Variants in PDE1A observed in about 807,000 individuals in gnomAD.
The protein encoded by PDE1A is phosphodiesterase 1A, also known as dual specificity calcium/calmodulin-dependent 3',5'-cyclic nucleotide phosphodiesterase 1A.
Under a neutral mutation model 61.7 loss-of-function variants are expected in PDE1A, and 35 were observed. The ratio of observed to expected loss-of-function variants is 0.57; its 90% CI spans 0.43 to 0.75. PDE1A has a LOEUF of 0.75. PDE1A is among the 30% of genes least tolerant of loss of function. PDE1A has a pLI of 0.00. For missense variants in PDE1A, 597 were observed against 630.6 expected, an observed-to-expected ratio of 0.95 and a Z score of 0.57; for synonymous variants, 232 against 213.2, an observed-to-expected ratio of 1.09 and a Z score of -0.77.
the PDE1A span, among the ~76,000 whole-genome samples, chr2:182,538,246 C>T: frequency 7.2e-5 from 11 of 152,192 alleles, no homozygotes; most frequent in East Asian, 2.1e-3. Flanking sequence ...CCTGTTTTTA[C>T]TTGTTTATGG....
chr2:182,142,312 T>C (rs1690265307), downstream of PDE1A: 1 of 152,214 alleles, frequency 6.6e-6, no homozygotes, highest in Non-Finnish European at 1.5e-5. Context: ...TGTGACTTGC[T>C]TGTAACCACA....
chr2:182,239,525 G>C (rs1179775380), intron 3 of PDE1A, among the ~76,000 whole-genome samples: 1 of 152,088 alleles, frequency 6.6e-6, no homozygotes, highest in East Asian at 1.9e-4. Flanking sequence ...ATATTAGCAT[G>C]TGTTTCACAT....
At chr2:182,639,210 A>G in the PDE1A span, among the ~76,000 whole-genome samples, 1 of 152,226 alleles carries the variant, frequency 6.6e-6, no homozygotes. Flanking sequence ...CAAAAGAGAA[A>G]TGGTAAGAAA....
intron 7 of PDE1A, among the ~76,000 whole-genome samples, chr2:182,222,883 G>A (rs1688844468): frequency 1.3e-5 from 2 of 151,982 alleles, no homozygotes; most frequent in Non-Finnish European, 2.9e-5. Flanking sequence ...TGTAAAGTAA[G>A]TTGGATCCTG....
chr2:182,339,760 T>C (rs1270705846), intron 1 of PDE1A, among the ~76,000 whole-genome samples: 2 of 152,172 alleles, frequency 1.3e-5, no homozygotes, highest in African/African-American at 4.8e-5. Flanking sequence ...TAATCTCTTG[T>C]AGAGCATTTT....
At chr2:182,669,383 G>A in the PDE1A span, among the ~76,000 whole-genome samples, 1 of 152,176 alleles carries the variant, frequency 6.6e-6, no homozygotes, top group African/African-American at 2.4e-5. Context: ...CCAGATGTGG[G>A]TTTTTAACCC....
intron 1 of PDE1A, among the ~76,000 whole-genome samples, chr2:182,334,299 C>G (rs1309314151): frequency 1.3e-5 from 2 of 151,542 alleles, no homozygotes; most frequent in African/African-American, 2.4e-5. Context: ...CATGCACACA[C>G]ACACACACCA....
intron 1 of PDE1A, among the ~76,000 whole-genome samples, chr2:182,388,973 A>G (rs2125374613): frequency 6.6e-6 from 1 of 152,294 alleles, no homozygotes; most frequent in African/African-American, 2.4e-5. Flanking sequence ...GATAAAGCAG[A>G]CATACAATGC....
intron 1 of PDE1A, among the ~76,000 whole-genome samples, chr2:182,329,628 T>G (rs1308019772): frequency 2.0e-5 from 3 of 152,082 alleles, no homozygotes; most frequent in Admixed American, 1.3e-4. Context: ...TGACATCAGG[T>G]GATCCACTGG....
chr2:182,561,505 G>C, the PDE1A span, among the ~76,000 whole-genome samples: 6 of 152,120 alleles, frequency 3.9e-5, no homozygotes, highest in Admixed American at 2.6e-4. Flanking sequence ...CTCCAGCTTT[G>C]TTCTTTTGGC....
the PDE1A span, among the ~76,000 whole-genome samples, chr2:182,636,825 A>T: frequency 6.6e-6 from 1 of 152,152 alleles, no homozygotes; most frequent in Non-Finnish European, 1.5e-5. Context: ...GTTGCTGGCT[A>T]AGTTCAGTTT....
the PDE1A span, among the ~76,000 whole-genome samples, chr2:182,540,384 A>AC: frequency 6.4e-5 from 5 of 77,520 alleles, no homozygotes; most frequent in African/African-American, 1.9e-4. Flanking sequence ...AAAAAAAAAA[A>AC]AGCAGCAGCA....
chr2:182,491,832 C>T (rs1449368206), intron 2 of PDE1A, among the ~76,000 whole-genome samples: 1 of 152,158 alleles, frequency 6.6e-6, no homozygotes, highest in Non-Finnish European at 1.5e-5. Context: ...CAGGTAAATG[C>T]CACTTTTCCT....
At chr2:182,422,045 C>T (rs1469182072) in intron 1 of PDE1A, among the ~76,000 whole-genome samples, 2 of 152,148 alleles carry the variant, frequency 1.3e-5, no homozygotes, top group African/African-American at 2.4e-5. Context: ...GAAGAAACAG[C>T]GTGATCTGAA....
chr2:182,658,320 G>C, the PDE1A span, among the ~76,000 whole-genome samples: 1 of 152,160 alleles, frequency 6.6e-6, no homozygotes, highest in Non-Finnish European at 1.5e-5. Flanking sequence ...CCTTGCAATT[G>C]TAACACTCCA....
At chr2:182,481,496 A>C (rs1048881167) in intron 2 of PDE1A, among the ~76,000 whole-genome samples, 2 of 151,940 alleles carry the variant, frequency 1.3e-5, no homozygotes, top group African/African-American at 4.8e-5. Flanking sequence ...TTTCATTCTA[A>C]CTACAGAAAA....
intron 7 of PDE1A, among the ~76,000 whole-genome samples, chr2:182,221,207 G>T (rs1485961132): frequency 6.6e-6 from 1 of 151,894 alleles, no homozygotes; most frequent in Non-Finnish European, 1.5e-5. Flanking sequence ...AAGGGAGAAA[G>T]CTAGAGTGAT....
At chr2:182,411,127 T>G (rs28409316) in intron 1 of PDE1A, among the ~76,000 whole-genome samples, 7,222 of 152,310 alleles carry the variant, frequency 0.047, 567 homozygotes, top group African/African-American at 0.17. Flanking sequence ...GACCCTTTCA[T>G]GTTCACTTTA....
the PDE1A span, among the ~76,000 whole-genome samples, chr2:182,641,509 T>C: frequency 1.3e-5 from 2 of 152,196 alleles, no homozygotes; most frequent in Non-Finnish European, 2.9e-5. Context: ...ATTTTTTAAC[T>C]AAGAGCAAAC....
Sources: allele counts gnomAD v4.1 joint callset (sites outside exome capture counted in the v4.1 genomes callset), GRCh38; gene constraint gnomAD v4.1.1; transcripts MANE v1.5; gene names NCBI Gene and HGNC (gene_info 2026-07-23, HGNC 2026-07-21).